The following ZNF407 variants were observed in gnomAD, a reference collection of about 807,000 sequenced individuals.
ZNF407 encodes the protein zinc finger protein 407.
ZNF407 carries 17 observed loss-of-function variants against 131.2 expected under a neutral mutation model. The ratio of observed to expected loss-of-function variants is 0.13; its 90% confidence interval spans 0.09 to 0.19. The LOEUF (loss-of-function observed/expected upper bound fraction) is 0.19, where lower values mean the gene tolerates loss of function less well. Among genes scored for constraint, ZNF407 ranks in the 10% least tolerant of loss-of-function variants. The pLI, the probability that ZNF407 is intolerant of heterozygous loss-of-function variation, is 1.00. For synonymous variants in ZNF407, 1,156 were observed against 1,062.0 expected (o/e 1.09, Z -1.72); for missense variants, 2,681 against 2,830.6 (o/e 0.95, Z 1.20).
intron 7 of ZNF407, among the ~76,000 whole-genome samples, chr18:74,900,182 T>G (rs1348733189): frequency 6.6e-6 from 1 of 152,158 alleles, no homozygotes; most frequent in Non-Finnish European, 1.5e-5. Flanking sequence ...GCACTGCTAA[T>G]AGTTAGATCC....
At chr18:74,602,869 C>T (rs1326628252) in intron 1 of ZNF407, among the ~76,000 whole-genome samples, 2 of 152,076 alleles carry the variant, frequency 1.3e-5, no homozygotes, top group African/African-American at 2.4e-5. Flanking sequence ...TTGCCCTGGT[C>T]CTGCTGGGAA....
chr18:75,060,593 C>T (rs1257554534), intron 8 of ZNF407, among the ~76,000 whole-genome samples: 2 of 151,180 alleles, frequency 1.3e-5, no homozygotes, highest in Non-Finnish European at 2.9e-5. Flanking sequence ...GCGAGCTCCG[C>T]CTCCCGGGTT....
At chr18:74,603,427 T>C (rs1325636646) in intron 1 of ZNF407, among the ~76,000 whole-genome samples, 1 of 152,184 alleles carries the variant, frequency 6.6e-6, no homozygotes, top group Non-Finnish European at 1.5e-5. Flanking sequence ...ATTAACAGTT[T>C]CTTGAGTTTG....
intron 3 of ZNF407, among the ~76,000 whole-genome samples, chr18:74,739,359 C>T (rs979327374): frequency 1.3e-5 from 2 of 151,956 alleles, no homozygotes; most frequent in African/African-American, 2.4e-5. Context: ...CTTTTCTCTG[C>T]TCCAGTTACT....
chr18:74,840,830 A>G (rs1386799271), intron 4 of ZNF407, among the ~76,000 whole-genome samples: 2 of 152,174 alleles, frequency 1.3e-5, no homozygotes, highest in Non-Finnish European at 2.9e-5. Context: ...TCTCATCACT[A>G]CAATCATCTG....
At position 74,631,329 on chromosome 18, in the gene ZNF407, G is replaced by C. The variant is rs376621360; in HGVS notation, c.310G>C (p.Gly104Arg). 194 of 1,613,892 alleles carry C rather than the reference G, an allele frequency of 1.2e-4. No individual in the cohort carries two copies. The highest frequency in any genetic ancestry group is 2.8e-5 in the Non-Finnish European group (33 of 1,179,900). The change falls in exon 2 of 9, where the codon GGG (glycine) becomes CGG (arginine). Residue 104 changes from glycine to arginine, a missense_variant. Coordinates refer to ENST00000299687, the MANE Select transcript of ZNF407 (RefSeq NM_017757.3). ...LETSESSVTEGGIALDETGKE... is the reference protein window; with the variant it reads ...LETSESSVTERGIALDETGKE... The stretch of plus-strand genomic sequence containing the variant: ...AACTTCTGAGAGCTCAGTCACAGAA[G>C]GGGGTATTGCATTAGATGAAACAGG...
intron 4 of ZNF407, chr18:74,804,378 A>G: frequency 9.7e-7 from 1 of 1,028,970 alleles, no homozygotes; most frequent in East Asian, 8.2e-5. Flanking sequence ...TAAGCATGCC[A>G]TGTGACAAAT....
At chr18:74,814,027 A>G (rs1231236666) in intron 4 of ZNF407, among the ~76,000 whole-genome samples, 2 of 152,166 alleles carry the variant, frequency 1.3e-5, no homozygotes, top group Admixed American at 1.3e-4. Flanking sequence ...CCTACCCTTC[A>G]TGGCATAAGG....
intron 3 of ZNF407, among the ~76,000 whole-genome samples, chr18:74,674,825 A>C (rs1204135671): frequency 6.6e-6 from 1 of 152,144 alleles, no homozygotes; most frequent in Non-Finnish European, 1.5e-5. Flanking sequence ...GATTTGGCTG[A>C]ATGTTGTAGT....
intron 8 of ZNF407, among the ~76,000 whole-genome samples, chr18:74,939,828 T>C (rs543040171): frequency 2.6e-5 from 4 of 152,336 alleles, no homozygotes; most frequent in South Asian, 2.1e-4. Context: ...AGTTAAGATA[T>C]TGAGATTGTT....
intron 4 of ZNF407, among the ~76,000 whole-genome samples, chr18:74,835,160 G>A (rs1472214036): frequency 6.6e-6 from 1 of 152,164 alleles, no homozygotes; most frequent in Non-Finnish European, 1.5e-5. Flanking sequence ...CTGGGAGACA[G>A]CAACCAGAAC....
intron 3 of ZNF407, among the ~76,000 whole-genome samples, chr18:74,763,694 T>G (rs1969153821): frequency 1.3e-5 from 2 of 148,610 alleles, no homozygotes; most frequent in Non-Finnish European, 3.0e-5. Context: ...CTGTTGTCAT[T>G]CTTATCTTTG....
chr18:75,050,937 G>A (rs1316406753), intron 8 of ZNF407, among the ~76,000 whole-genome samples: 1 of 152,156 alleles, frequency 6.6e-6, no homozygotes, highest in Admixed American at 6.5e-5. Flanking sequence ...CCTGGAGGAT[G>A]TTTTAAAGAG....
chr18:74,885,528 C>A (rs1971297064), intron 6 of ZNF407, among the ~76,000 whole-genome samples: 1 of 152,092 alleles, frequency 6.6e-6, no homozygotes, highest in Non-Finnish European at 1.5e-5. Context: ...AAATAAGTCA[C>A]CAACATTGAG....
chr18:74,634,355 A>G lies in ZNF407; in HGVS notation c.3336A>G (p.Ser1112=), dbSNP rs377345468. The change falls in exon 2 of 9, where the codon TCA becomes TCG. Residue 1112 remains serine, a synonymous_variant. Transcript: ENST00000299687. ...QQNSEEFQII[S]GQPSDTLKSR... ...ATTCTGAGGAATTTCAAATAATTTC[A>G]GGTCAACCATCTGATACTCTTAAAT... 9 of 1,613,816 alleles carry G rather than the reference A, an allele frequency of 5.6e-6. No individual in the cohort carries two copies. In the African/African-American group the frequency reaches 9.3e-5, roughly 17 times the overall value.
intron 3 of ZNF407, among the ~76,000 whole-genome samples, chr18:74,718,880 T>C: frequency 6.6e-6 from 1 of 152,224 alleles, no homozygotes; most frequent in Admixed American, 6.5e-5. Context: ...ATGCCTTTAA[T>C]TTGCTGTTCC....
In ZNF407 at chr18:74,633,493, G is replaced by A. The variant is rs545323955; in HGVS notation, c.2474G>A (p.Gly825Asp). The stretch of plus-strand genomic sequence containing the variant: ...GCGTCTGAGGAACTGTCACAGTCTG[G>A]TGGTAGCACCAAAGATGATGAATTA... The part of the protein sequence containing the change: ...MLASEELSQS[G>D]GSTKDDELAS... Residue 825 changes from glycine to aspartate, a missense_variant, in exon 2 of 9, where the codon GGT (glycine) becomes GAT (aspartate). Physicochemically the swap from Gly to Asp is moderately conservative, Grantham distance 94 (BLOSUM62 -1). This residue lies in a region of ZNF407 where 1,789 missense variants were observed against 1,748.7 expected (regional missense o/e 1.02). Transcript: ENST00000299687. The A allele has an allele frequency of 1.2e-6, 2 of 1,613,986 alleles. No individual in the cohort carries two copies. The highest frequency in any genetic ancestry group is 2.7e-5 in the African/African-American group (2 of 75,048).
chr18:74,710,030 T>C (rs1207330634), intron 3 of ZNF407, among the ~76,000 whole-genome samples: 1 of 152,262 alleles, frequency 6.6e-6, no homozygotes, highest in Non-Finnish European at 1.5e-5. Context: ...TTGTGACTTC[T>C]GATAATTATT....
rs772727754 is a variant in ZNF407 at position 75,064,053 on chromosome 18, G to A, written c.6332G>A (p.Gly2111Asp). Residue 2111 changes from glycine (G) to aspartate (D), a missense_variant, in exon 9 of 9, where the codon GGT (glycine) becomes GAT (aspartate). This residue lies in a region of ZNF407 where 620 missense variants were observed against 583.1 expected (regional missense o/e 1.06). Coordinates refer to ENST00000299687, the MANE Select transcript of ZNF407 (RefSeq NM_017757.3). ...GVTQVVVSEE[G>D]AVHMVAGEGA... ...ACCCAGGTGGTGGTGAGCGAAGAGG[G>A]TGCCGTCCACATGGTCGCCGGGGAG... 1.0e-5 allele frequency: 16 copies of A among 1,595,864 alleles called. No individual in the cohort carries two copies. Among genetic ancestry groups the A allele is most frequent in the Non-Finnish European group, 1.1e-5 (13 of 1,172,102 alleles).
Sources: allele counts gnomAD v4.1 joint callset (sites outside exome capture counted in the v4.1 genomes callset), GRCh38; gene constraint gnomAD v4.1.1; regional missense constraint gnomAD v4.1.1; transcripts MANE v1.5; gene names NCBI Gene and HGNC (gene_info 2026-07-23, HGNC 2026-07-21).